The following RABGAP1L variants were observed in gnomAD, a reference collection of about 807,000 sequenced individuals.
The protein encoded by RABGAP1L is rab GTPase-activating protein 1-like.
Under a neutral mutation model 137.7 loss-of-function variants are expected in RABGAP1L, and 63 were observed. The ratio of observed to expected loss-of-function variants is 0.46; its 90% CI spans 0.37 to 0.56. The LOEUF (loss-of-function observed/expected upper bound fraction) is 0.56, where lower values mean the gene tolerates loss of function less well. RABGAP1L is among the 20% of genes least tolerant of loss of function. The probability of loss-of-function intolerance (pLI) is 0.00; values close to 1 mark genes in which losing one functional copy is unlikely to be tolerated. For synonymous variants in RABGAP1L, 431 were observed against 433.7 expected, an observed-to-expected ratio of 0.99 and a Z score of 0.08; for missense variants, 1,095 against 1,244.0, an observed-to-expected ratio of 0.88 and a Z score of 1.80.
At chr1:174,512,202 G>T (rs1341997664) in intron 13 of RABGAP1L, among the ~76,000 whole-genome samples, 1 of 152,016 alleles carries the variant, frequency 6.6e-6, no homozygotes, top group Non-Finnish European at 1.5e-5. Context: ...CAACACAAGG[G>T]TACTTATGAG....
chr1:174,701,123 G>A (rs1223822625), intron 16 of RABGAP1L: 11 of 1,304,386 alleles, frequency 8.4e-6, no homozygotes, highest in Non-Finnish European at 1.0e-5. Context: ...CAAAATGAAG[G>A]TGGCCTTTGT....
At chr1:174,720,278 T>TAGAC (rs1164612450) in intron 17 of RABGAP1L, among the ~76,000 whole-genome samples, 4 of 134,612 alleles carry the variant, frequency 3.0e-5, no homozygotes, top group East Asian at 4.0e-4. Context: ...GATAGATAGA[T>TAGAC]AGATAGATAG....
At chr1:174,678,313 C>T (rs1233849014) in intron 14 of RABGAP1L, among the ~76,000 whole-genome samples, 3 of 152,074 alleles carry the variant, frequency 2.0e-5, no homozygotes, top group Non-Finnish European at 4.4e-5. Context: ...ACCAGTCTTA[C>T]GCAAAACTCT....
intron 1 of RABGAP1L, among the ~76,000 whole-genome samples, chr1:174,210,161 A>G (rs1344604132): frequency 3.3e-5 from 5 of 152,184 alleles, no homozygotes; most frequent in Non-Finnish European, 7.3e-5. Context: ...TGAGAAGACT[A>G]CAGTAGATAC....
At chr1:174,584,867 G>T (rs2148104177) in intron 13 of RABGAP1L, among the ~76,000 whole-genome samples, 1 of 151,880 alleles carries the variant, frequency 6.6e-6, no homozygotes, top group South Asian at 2.1e-4. Flanking sequence ...CCTACAGAGA[G>T]AAAAGCTTGT....
At chr1:174,508,105 C>T (rs55833532) in intron 13 of RABGAP1L, among the ~76,000 whole-genome samples, 5,277 of 152,106 alleles carry the variant, frequency 0.035, 119 homozygotes, top group Middle Eastern at 0.088. Context: ...TCCCTGATTT[C>T]GCATAATGTG....
intron 22 of RABGAP1L, 50 bp downstream of exon 22, chr1:174,976,232 G>T: frequency 7.3e-7 from 1 of 1,367,994 alleles, no homozygotes; most frequent in South Asian, 1.3e-5. Context: ...TGTTGGTAGG[G>T]AATTAACACT....
intron 13 of RABGAP1L, among the ~76,000 whole-genome samples, chr1:174,460,727 A>G (rs928466500): frequency 1.3e-5 from 2 of 152,210 alleles, no homozygotes; most frequent in South Asian, 2.1e-4. Context: ...ATTCTACATT[A>G]ATAAATAAAT....
At chr1:174,582,496 T>TG (rs1359537817) in intron 13 of RABGAP1L, among the ~76,000 whole-genome samples, 1 of 152,028 alleles carries the variant, frequency 6.6e-6, no homozygotes, top group Non-Finnish European at 1.5e-5. Flanking sequence ...TCCCAGCTAC[T>TG]GAGGAGGCTG....
chr1:174,180,499 C>G (rs1461800768), intron 1 of RABGAP1L, among the ~76,000 whole-genome samples: 3 of 152,186 alleles, frequency 2.0e-5, no homozygotes, highest in Admixed American at 6.5e-5. Flanking sequence ...AGGTCTCACT[C>G]TGTCACCTAC....
Position 174,226,003 on chromosome 1 carries a change from C to G in RABGAP1L, c.331+4839C>G, listed in dbSNP as rs10912748. On this transcript the variant is annotated intron_variant, in intron 3 of 25. Coordinates refer to ENST00000681986, the MANE Select transcript of RABGAP1L (RefSeq NM_001366446.1). The stretch of plus-strand genomic sequence containing the variant: ...CCAGCATTTCAGGTAGTTCTGTGGT[C>G]GGGGCTAGTGGTAGAACTGGGAGAG... 1.7e-3 allele frequency among the ~76,000 whole-genome samples: 264 copies of G among 151,804 alleles called. 1 individual carries two copies. The East Asian group carries it at 0.027, about 16-fold the overall frequency.
intron 1 of RABGAP1L, among the ~76,000 whole-genome samples, chr1:174,211,618 C>A (rs771773285): frequency 1.3e-5 from 2 of 152,040 alleles, no homozygotes; most frequent in East Asian, 1.9e-4. Flanking sequence ...GGAGTAAGTC[C>A]TTACTTATCA....
chr1:174,719,769 A>G (rs552103055), intron 17 of RABGAP1L, among the ~76,000 whole-genome samples: 1 of 152,358 alleles, frequency 6.6e-6, no homozygotes, highest in African/African-American at 2.4e-5. Context: ...AAATTCAGCC[A>G]AAGGCTGCAG....
intron 19 of RABGAP1L, chr1:174,945,660 G>T (rs529493108): frequency 6.6e-6 from 1 of 152,178 alleles, no homozygotes; most frequent in African/African-American, 2.4e-5. Flanking sequence ...AGCAACTGCT[G>T]CATGTGGGTG....
chr1:174,569,380 A>T (rs1667816646), intron 13 of RABGAP1L, among the ~76,000 whole-genome samples: 1 of 152,172 alleles, frequency 6.6e-6, no homozygotes, highest in Non-Finnish European at 1.5e-5. Context: ...ATCTTAGATC[A>T]TGAAGGCCAG....
At chr1:174,648,417 T>A (rs1331630115) in intron 14 of RABGAP1L, among the ~76,000 whole-genome samples, 1 of 152,182 alleles carries the variant, frequency 6.6e-6, no homozygotes, top group East Asian at 1.9e-4. Flanking sequence ...TTGTTCTCAT[T>A]GGTTTCAAAG....
chr1:174,303,365 CATTT>C (rs1312508163), intron 10 of RABGAP1L, among the ~76,000 whole-genome samples: 3 of 152,004 alleles, frequency 2.0e-5, no homozygotes, highest in Non-Finnish European at 4.4e-5. Context: ...CTGGTTTCCT[CATTT>C]ATAGCCACTG....
At chr1:174,899,709 AG>A (rs1227921832) in intron 19 of RABGAP1L, among the ~76,000 whole-genome samples, 1 of 152,142 alleles carries the variant, frequency 6.6e-6, no homozygotes, top group Admixed American at 6.6e-5. Context: ...AGTATTTTGG[AG>A]AAGGCATTCT....
chr1:174,548,104 G>A, intron 13 of RABGAP1L: 1 of 1,538,126 alleles, frequency 6.5e-7, no homozygotes, highest in South Asian at 1.2e-5. Flanking sequence ...CTTTGCATGG[G>A]AGGTTGCAGT....
Sources: allele counts gnomAD v4.1 joint callset (sites outside exome capture counted in the v4.1 genomes callset), GRCh38; gene constraint gnomAD v4.1.1; transcripts MANE v1.5; gene names NCBI Gene and HGNC (gene_info 2026-07-23, HGNC 2026-07-21).